Variants in GPC3 observed in about 807,000 individuals in gnomAD.
The protein encoded by GPC3 is glypican 3, also known as glypican-3.
In GPC3, 3 loss-of-function variants were observed where a neutral mutation model predicts 34.4. That is an observed-to-expected ratio of 0.09 (90% confidence interval 0.04 to 0.23). The LOEUF is 0.23. Among genes scored for constraint, GPC3 ranks in the 10% least tolerant of loss-of-function variants. GPC3 has a pLI of 1.00. For missense variants in GPC3, 351 were observed against 445.6 expected (o/e 0.79, Z 1.91); for synonymous variants, 177 against 174.0 (o/e 1.02, Z -0.13).
chrX:133,717,473 T>A (rs184034028), intron 3 of GPC3, among the ~76,000 whole-genome samples: 2 of 111,590 alleles, frequency 1.8e-5, no homozygotes, highest in Non-Finnish European at 3.8e-5. Context: ...ATTGGTTATG[T>A]TATCTATAGA....
intron 1 of GPC3, 37 bp downstream of exon 1, chrX:133,985,238 G>T (rs373376977): frequency 8.3e-7 from 1 of 1,200,449 alleles, no homozygotes; most frequent in Non-Finnish European, 1.1e-6. Context: ...CTTGCTCCCC[G>T]CTGGGCGCTA....
At position 133,761,415 on chromosome X, in the gene GPC3, T is replaced by TA. The variant is rs757187677; in HGVS notation, c.338-7240dup. ...CTTAGAAATAAGTTGCTATTAAATA[T>TA]AAGCAATTTATTTGTGCAGATCCAT... is the stretch of plus-strand genomic sequence containing the variant. On this transcript the variant is annotated intron_variant, in intron 2 of 7. Coordinates refer to ENST00000370818, the MANE Select transcript of GPC3 (RefSeq NM_004484.4). Among the ~76,000 whole-genome samples, 4 of 112,324 alleles carry TA rather than the reference T, an allele frequency of 3.6e-5. No individual in the cohort carries two copies. The Admixed American group carries it at 3.8e-4, about 11-fold the overall frequency.
chrX:133,747,223 C>T (rs957713302), intron 3 of GPC3, among the ~76,000 whole-genome samples: 23 of 111,749 alleles, frequency 2.1e-4, no homozygotes, highest in African/African-American at 7.5e-4. Context: ...TTGGTCCAAT[C>T]GGCAGATTTC....
intron 2 of GPC3, among the ~76,000 whole-genome samples, chrX:133,838,043 T>C (rs1603256932): frequency 1.8e-5 from 2 of 112,455 alleles, no homozygotes; most frequent in South Asian, 7.3e-4. Context: ...TTCTTAAATG[T>C]CTACAGAAAA....
At chrX:133,697,136 C>G (rs2071125691) in intron 4 of GPC3, among the ~76,000 whole-genome samples, 1 of 112,648 alleles carries the variant, frequency 8.9e-6, no homozygotes, top group Admixed American at 9.4e-5. Flanking sequence ...TTGGAAATCA[C>G]TGCAAGTAAA....
chrX:133,771,717 T>C (rs1296590939), intron 2 of GPC3, among the ~76,000 whole-genome samples: 1 of 112,422 alleles, frequency 8.9e-6, no homozygotes, highest in Non-Finnish European at 1.9e-5. Context: ...CTACAGTCTA[T>C]GCCTCTGGCC....
rs141109194 is a variant in GPC3, at chrX:133,876,718, C to G, written c.337+76332G>C. ...CTACTAATGTGGTTAGTCCTTTTGA[C>G]AGTATTGTTTTGTTTTTGTTTGGGG... On this transcript the variant is annotated intron_variant, in intron 2 of 7. Transcript: ENST00000370818. Among the ~76,000 whole-genome samples, 375 of 112,044 alleles carry G rather than the reference C, an allele frequency of 3.3e-3. 2 individuals are homozygous for G. Among genetic ancestry groups the G allele is most frequent in the African/African-American group, 0.012 (367 of 30,944 alleles).
At chrX:133,577,389 T>C (rs940836536) in intron 7 of GPC3, among the ~76,000 whole-genome samples, 1 of 112,233 alleles carries the variant, frequency 8.9e-6, no homozygotes, top group Non-Finnish European at 1.9e-5. Context: ...TACATACCCA[T>C]AGATGTATAT....
chrX:133,582,249 T>C (rs2069738402), intron 7 of GPC3, among the ~76,000 whole-genome samples: 1 of 112,635 alleles, frequency 8.9e-6, no homozygotes, highest in Admixed American at 9.4e-5. Context: ...TTTATTTCAT[T>C]GTAAATTTAT....
At chrX:133,694,073 C>T (rs2071091058) in intron 4 of GPC3, among the ~76,000 whole-genome samples, 1 of 111,064 alleles carries the variant, frequency 9.0e-6, no homozygotes, top group Non-Finnish European at 1.9e-5. Flanking sequence ...CTTGAACTTC[C>T]CAGCCTAATA....
intron 2 of GPC3, among the ~76,000 whole-genome samples, chrX:133,906,875 G>A (rs1427615208): frequency 1.8e-5 from 2 of 111,624 alleles, no homozygotes; most frequent in South Asian, 3.8e-4. Context: ...TCAGGAGATC[G>A]AGACCATCCT....
chrX:133,569,612 T>C (rs2069608664), intron 7 of GPC3, among the ~76,000 whole-genome samples: 1 of 112,345 alleles, frequency 8.9e-6, no homozygotes, highest in South Asian at 3.7e-4. Flanking sequence ...CCAGACAGGC[T>C]TTATATTTTT....
At chrX:133,690,559 C>T (rs983624660) in intron 5 of GPC3, among the ~76,000 whole-genome samples, 5 of 111,900 alleles carry the variant, frequency 4.5e-5, no homozygotes, top group African/African-American at 1.6e-4. Flanking sequence ...CATTCCATGT[C>T]CTGGTATTGG....
At chrX:133,768,197 C>T (rs748671311) in intron 2 of GPC3, among the ~76,000 whole-genome samples, 5 of 110,930 alleles carry the variant, frequency 4.5e-5, no homozygotes, top group Admixed American at 9.6e-5. Context: ...TCTCTAATGC[C>T]TATACGCAGA....
intron 7 of GPC3, among the ~76,000 whole-genome samples, chrX:133,539,048 C>T (rs1190849412): frequency 9.4e-6 from 1 of 106,646 alleles, no homozygotes; most frequent in African/African-American, 3.4e-5. Flanking sequence ...TCTCTTGGGC[C>T]CTGTATTTTT....
intron 2 of GPC3, among the ~76,000 whole-genome samples, chrX:133,852,797 G>C (rs2075880624): frequency 9.1e-6 from 1 of 110,293 alleles, no homozygotes; most frequent in African/African-American, 3.3e-5. Flanking sequence ...AAATACTGCT[G>C]TTCTCTTTCA....
chrX:133,542,103 T>C (rs2069346812), intron 7 of GPC3, among the ~76,000 whole-genome samples: 1 of 112,081 alleles, frequency 8.9e-6, no homozygotes, highest in African/African-American at 3.2e-5. Flanking sequence ...GCAAGTCAGG[T>C]CAATCAGTTG....
intron 2 of GPC3, among the ~76,000 whole-genome samples, chrX:133,827,105 T>C (rs1052642700): frequency 1.8e-5 from 2 of 111,795 alleles, no homozygotes; most frequent in Admixed American, 1.9e-4. Flanking sequence ...GGTTCTATTG[T>C]ATATGAATTT....
At position 133,536,157 on chromosome X, in the gene GPC3, G is replaced by C; in HGVS notation, c.1710C>G (p.Ile570Met). Residue 570 changes from isoleucine (I) to methionine (M), a missense_variant, in exon 8 of 8, where the codon ATC becomes ATG. Physicochemically the swap from Ile to Met is conservative, Grantham distance 10 (BLOSUM62 1). Coordinates refer to ENST00000370818, the MANE Select transcript of GPC3 (RefSeq NM_004484.4). ...CCAGGAAGAAGAAGCACACCACCGA[G>C]ATGGCCATGCTGGTGAGAAGCTTCA... is the stretch of plus-strand genomic sequence containing the variant. ...SPLKLLTSMA[I>M]SVVCFFFLVH 8.3e-7 allele frequency: 1 copy of C among 1,208,072 alleles called. No homozygotes were observed. The highest frequency in any genetic ancestry group is 1.7e-5 in the African/African-American group (1 of 57,623).
Sources: allele counts gnomAD v4.1 joint callset (sites outside exome capture counted in the v4.1 genomes callset), GRCh38; gene constraint gnomAD v4.1.1; transcripts MANE v1.5; gene names NCBI Gene and HGNC (gene_info 2026-07-23, HGNC 2026-07-21).